The following DCAF17 variants were observed in gnomAD, a reference collection of about 807,000 sequenced individuals.
DCAF17 encodes DDB1- and CUL4-associated factor 17.
DCAF17 carries 48 observed loss-of-function variants against 66.0 expected under a neutral mutation model. That is an observed-to-expected ratio of 0.73 (90% CI 0.58 to 0.92). The LOEUF (loss-of-function observed/expected upper bound fraction) is 0.92, where lower values mean the gene tolerates loss of function less well. Among genes scored for constraint, DCAF17 ranks in the 40% least tolerant of loss-of-function variants. DCAF17 has a pLI of 0.00. For synonymous variants in DCAF17, 206 were observed against 214.6 expected, an observed-to-expected ratio of 0.96 and a Z score of 0.35; for missense variants, 562 against 622.8, an observed-to-expected ratio of 0.90 and a Z score of 1.04.
chr2:171,445,663 T>C (rs1216625670), intron 3 of DCAF17, among the ~76,000 whole-genome samples: 1 of 152,178 alleles, frequency 6.6e-6, no homozygotes, highest in Non-Finnish European at 1.5e-5. Context: ...ATAAATAGTA[T>C]ATTTTTTAAA....
rs1559289518 is a variant in DCAF17, at chr2:171,473,910, TG to T, written c.1027del (p.Asp343ThrfsTer13). On this transcript the variant is annotated frameshift_variant, in exon 10 of 14. Coordinates refer to ENST00000375255, the MANE Select transcript of DCAF17 (RefSeq NM_025000.4). LOFTEE classifies it high-confidence loss of function. ...QEMDCCSLES[D>X]WIYFHPDASG... ...AAATGGATTGTTGTTCTCTAGAATC[TG>T]ACTGGATCTATTTCCATCCTGATGC... is the stretch of plus-strand genomic sequence containing the variant. The T allele has an allele frequency of 2.0e-5, 32 of 1,613,896 alleles. No homozygotes were observed. The highest frequency in any genetic ancestry group is 2.6e-5 in the Non-Finnish European group (31 of 1,179,866).
chr2:171,445,869 G>A (rs1463067788), intron 3 of DCAF17, among the ~76,000 whole-genome samples: 1 of 151,796 alleles, frequency 6.6e-6, no homozygotes, highest in African/African-American at 2.4e-5. Flanking sequence ...TTTTTGTAGA[G>A]GTGGGGTTTT....
intron 2 of DCAF17, among the ~76,000 whole-genome samples, chr2:171,441,587 A>G (rs186225334): frequency 6.6e-6 from 1 of 152,152 alleles, no homozygotes; most frequent in African/African-American, 2.4e-5. Flanking sequence ...AAATGCTGTC[A>G]TCCCACCCCT....
At chr2:171,451,835 G>C (rs1337430971) in intron 5 of DCAF17, among the ~76,000 whole-genome samples, 1 of 152,152 alleles carries the variant, frequency 6.6e-6, no homozygotes, top group East Asian at 1.9e-4. Flanking sequence ...TTACAGGCGT[G>C]AACCACCACT....
intron 10 of DCAF17, among the ~76,000 whole-genome samples, chr2:171,476,483 A>G (rs1696501758): frequency 6.6e-6 from 1 of 152,212 alleles, no homozygotes; most frequent in Admixed American, 6.5e-5. Context: ...CTTCAGAAAT[A>G]AAAATGCAAA....
chr2:171,483,088 A>G lies in DCAF17; in HGVS notation c.*1974A>G, dbSNP rs1164353509. The G allele has an allele frequency of 4.4e-6, 2 of 454,016 alleles. No homozygotes were observed. The highest frequency in any genetic ancestry group is 2.0e-5 in the African/African-American group (1 of 50,010). 28.1% of individuals were successfully genotyped at this position (454,016 alleles called of 1,614,324 possible). A position where few individuals can be genotyped will look rare whatever the true frequency, so the allele number is the denominator to read the frequency against. ...GTTGTTAACAAGATAGATGGTAAAAAGATGCCAGAAGATACAGAAGATAGC... is the reference window on the plus strand; with the variant it reads ...GTTGTTAACAAGATAGATGGTAAAAGGATGCCAGAAGATACAGAAGATAGC... On this transcript the variant is annotated 3_prime_UTR_variant, in exon 14 of 14. Transcript: ENST00000375255.
chr2:171,481,116 A>G lies in DCAF17; in HGVS notation c.*2A>G. On this transcript the variant is annotated 3_prime_UTR_variant, in exon 14 of 14. Transcript: ENST00000375255. ...GAAACCATAAACAGAAGCTGTTAAA[A>G]AGAGTGAGATAATTGTAACCTAAGA... The G allele has an allele frequency of 6.2e-7, 1 of 1,613,516 alleles. No individual in the cohort carries two copies. The highest frequency in any genetic ancestry group is 8.5e-7 in the Non-Finnish European group (1 of 1,179,492).
intron 6 of DCAF17, among the ~76,000 whole-genome samples, chr2:171,455,445 T>TGAAC (rs1192812531): frequency 1.3e-5 from 2 of 152,242 alleles, no homozygotes; most frequent in Admixed American, 6.5e-5. Context: ...TTTGCTCTTG[T>TGAAC]GAACAGTGCT....
rs1375309643 is a variant in DCAF17, at chr2:171,482,742, A to G, written c.*1628A>G. ...CACCTTCCTTTTATGAAATGATAGT[A>G]AGGAACTCGTCTATTCTGAAAGGCA... On this transcript the variant is annotated 3_prime_UTR_variant, in exon 14 of 14. Coordinates refer to ENST00000375255, the MANE Select transcript of DCAF17 (RefSeq NM_025000.4). The G allele has an allele frequency of 6.6e-6, 3 of 452,926 alleles. No homozygotes were observed. The highest frequency in any genetic ancestry group is 7.0e-4 in the Middle Eastern group (1 of 1,432). The allele number at this position is 452,926 out of a possible 1,614,324, so 28.1% of individuals were successfully genotyped here. A position where few individuals can be genotyped will look rare whatever the true frequency, so the allele number is the denominator to read the frequency against.
At chr2:171,469,309 C>A (rs997086007) in intron 9 of DCAF17, among the ~76,000 whole-genome samples, 12 of 152,170 alleles carry the variant, frequency 7.9e-5, no homozygotes, top group African/African-American at 2.6e-4. Flanking sequence ...CATGTAAAAC[C>A]TCTCCACAGT....
chr2:171,463,285 G>A (rs1272984239), intron 8 of DCAF17, among the ~76,000 whole-genome samples: 2 of 149,540 alleles, frequency 1.3e-5, no homozygotes, highest in Non-Finnish European at 3.0e-5. Flanking sequence ...TAATTTCCAG[G>A]ATGTGTACTA....
intron 12 of DCAF17, among the ~76,000 whole-genome samples, chr2:171,479,457 G>A (rs529657436): frequency 6.6e-6 from 1 of 152,158 alleles, no homozygotes; most frequent in Non-Finnish European, 1.5e-5. Flanking sequence ...GTCCTGTTCT[G>A]TGGGTTGGAT....
intron 6 of DCAF17, among the ~76,000 whole-genome samples, chr2:171,454,429 C>T (rs542589096): frequency 1.1e-4 from 16 of 151,508 alleles, no homozygotes; most frequent in Admixed American, 5.2e-4. Context: ...GGACTACAGG[C>T]GCCTGCCACC....
At position 171,482,802 on chromosome 2, in the gene DCAF17, G is replaced by A. The variant is rs1043774878; in HGVS notation, c.*1688G>A. 2.2e-6 allele frequency: 1 copy of A among 452,748 alleles called. No individual in the cohort carries two copies. Among genetic ancestry groups the A allele is most frequent in the Non-Finnish European group, 4.4e-6 (1 of 226,526 alleles). The allele number at this position is 452,748 out of a possible 1,614,324, so 28.0% of individuals were successfully genotyped here. A position where few individuals can be genotyped will look rare whatever the true frequency, so the allele number is the denominator to read the frequency against. On this transcript the variant is annotated 3_prime_UTR_variant, in exon 14 of 14. Coordinates refer to ENST00000375255, the MANE Select transcript of DCAF17 (RefSeq NM_025000.4). ...TAGCTGAATTCCTGGCTGCTTTTTT[G>A]CTGGGGGTAGATGGTGGAATACTTC...
chr2:171,483,248 CCT>C lies in DCAF17; in HGVS notation c.*2137_*2138del, dbSNP rs1559298479. 1 of 454,086 alleles carries C rather than the reference CCT, an allele frequency of 2.2e-6. No homozygotes were observed. Among genetic ancestry groups the C allele is most frequent in the South Asian group, 1.6e-5 (1 of 64,480 alleles). 28.1% of individuals were successfully genotyped at this position (454,086 alleles called of 1,614,324 possible). A position where few individuals can be genotyped will look rare whatever the true frequency, so the allele number is the denominator to read the frequency against. ...ATGTCTTCCTGCCCTACCTAAACCC[CCT>C]CTTTACCTGATATTTTAATTCGAGA... On this transcript the variant is annotated 3_prime_UTR_variant, in exon 14 of 14. Transcript: ENST00000375255.
In DCAF17 at chr2:171,449,954, G is replaced by A. The variant is rs1384873896; in HGVS notation, c.534G>A (p.Arg178=). 3.1e-6 allele frequency: 5 copies of A among 1,612,470 alleles called. No homozygotes were observed. Among genetic ancestry groups the A allele is most frequent in the Middle Eastern group, 1.7e-4 (1 of 6,056 alleles). Residue 178 remains arginine, a synonymous_variant, in exon 5 of 14, where the codon CGG becomes CGA. Coordinates refer to ENST00000375255, the MANE Select transcript of DCAF17 (RefSeq NM_025000.4). ...SAQNRGSAVA[R]QAGIQQHVLL... ...AGAACAGAGGCTCAGCAGTGGCCCG[G>A]CAGGTATACATATTTAAACATTCAA...
chr2:171,450,517 T>C lies in DCAF17; in HGVS notation c.537+560T>C, dbSNP rs1694888168. Among the ~76,000 whole-genome samples the C allele has an allele frequency of 3.3e-5, 5 of 152,144 alleles. No homozygotes were observed. In the South Asian group the frequency reaches 1.0e-3, roughly 31 times the overall value. Reference sequence around the variant, plus strand: ...TACTAGATTTTATAAAGTCTGGAAATTTATATCAAGAAACTTTTTGTTTCT... The same window carrying C: ...TACTAGATTTTATAAAGTCTGGAAACTTATATCAAGAAACTTTTTGTTTCT... On this transcript the variant is annotated intron_variant, in intron 5 of 13. Coordinates refer to ENST00000375255, the MANE Select transcript of DCAF17 (RefSeq NM_025000.4).
At chr2:171,468,001 G>A (rs929969248) in intron 8 of DCAF17, among the ~76,000 whole-genome samples, 1 of 152,118 alleles carries the variant, frequency 6.6e-6, no homozygotes, top group African/African-American at 2.4e-5. Context: ...TCAAGTTAGA[G>A]GGTAAATAAG....
chr2:171,445,495 C>G lies in DCAF17; in HGVS notation c.321+1882C>G, dbSNP rs7568037. ...AGCAAGATTTTCTCTTAAGAAAAAC[C>G]AGGAGCATTTTGAATTGTTATTAAC... On this transcript the variant is annotated intron_variant, in intron 3 of 13. Coordinates refer to ENST00000375255, the MANE Select transcript of DCAF17 (RefSeq NM_025000.4). Among the ~76,000 whole-genome samples the G allele has an allele frequency of 6.3e-4, 96 of 151,974 alleles. 2 individuals carry two copies. In the South Asian group the frequency reaches 0.018, roughly 29 times the overall value.
Sources: gnomAD v4.1 joint callset for allele counts (sites outside exome capture counted in the v4.1 genomes callset) on GRCh38, gnomAD v4.1.1 for gene constraint, MANE v1.5 for transcripts, NCBI Gene and HGNC (gene_info 2026-07-23, HGNC 2026-07-21) for gene names.